The following ASIC2 variants were observed in gnomAD, a reference collection of about 807,000 sequenced individuals.
The protein encoded by ASIC2 is acid-sensing ion channel 2.
In ASIC2, 25 loss-of-function variants were observed where a neutral mutation model predicts 57.3. The ratio of observed to expected loss-of-function variants is 0.44; its 90% CI spans 0.32 to 0.61. The LOEUF (loss-of-function observed/expected upper bound fraction) is 0.61, where lower values mean the gene tolerates loss of function less well. Among genes scored for constraint, ASIC2 ranks in the 20% least tolerant of loss-of-function variants. ASIC2 has a pLI of 0.06. For synonymous variants in ASIC2, 319 were observed against 307.5 expected (o/e 1.04, Z -0.39); for missense variants, 641 against 738.1 (o/e 0.87, Z 1.52).
chr17:33,387,854 CAGA>C (rs1358602720), intron 1 of ASIC2, among the ~76,000 whole-genome samples: 2 of 152,010 alleles, frequency 1.3e-5, no homozygotes, highest in Non-Finnish European at 2.9e-5. Flanking sequence ...TGAGCACAGA[CAGA>C]AGAAAAGGCG....
chr17:33,191,867 G>A (rs961539677), intron 1 of ASIC2, among the ~76,000 whole-genome samples: 6 of 152,038 alleles, frequency 3.9e-5, no homozygotes, highest in African/African-American at 7.2e-5. Context: ...CTATCTCATC[G>A]GCCAGAATTG....
At chr17:33,243,012 T>C (rs1464599504) in intron 1 of ASIC2, among the ~76,000 whole-genome samples, 1 of 152,244 alleles carries the variant, frequency 6.6e-6, no homozygotes, top group Non-Finnish European at 1.5e-5. Flanking sequence ...CGTGGCCAGA[T>C]GGACATGATC....
At chr17:33,767,245 T>C (rs1910961645) in intron 1 of ASIC2, among the ~76,000 whole-genome samples, 1 of 152,196 alleles carries the variant, frequency 6.6e-6, no homozygotes, top group Non-Finnish European at 1.5e-5. Flanking sequence ...TGGTCTCTCT[T>C]TGTGACTTTT....
At chr17:33,981,814 T>G (rs975759869) in intron 1 of ASIC2, among the ~76,000 whole-genome samples, 1 of 152,234 alleles carries the variant, frequency 6.6e-6, no homozygotes, top group South Asian at 2.1e-4. Flanking sequence ...ATTATTTGTA[T>G]CCCTATGTTA....
At chr17:33,744,165 G>A (rs1215798607) in intron 1 of ASIC2, among the ~76,000 whole-genome samples, 2 of 152,216 alleles carry the variant, frequency 1.3e-5, no homozygotes, top group Non-Finnish European at 1.5e-5. Flanking sequence ...AATGAGTCCA[G>A]TTAGTTCACT....
At chr17:33,908,662 C>A (rs1758771504) in intron 1 of ASIC2, among the ~76,000 whole-genome samples, 1 of 152,220 alleles carries the variant, frequency 6.6e-6, no homozygotes, top group Non-Finnish European at 1.5e-5. Flanking sequence ...ACTATTACCA[C>A]CCACCACATA....
intron 1 of ASIC2, among the ~76,000 whole-genome samples, chr17:33,422,153 G>A (rs1407317225): frequency 6.6e-6 from 1 of 152,198 alleles, no homozygotes; most frequent in Non-Finnish European, 1.5e-5. Context: ...TGCTTCTGTA[G>A]GCATGCCATT....
chr17:33,748,149 C>T (rs574334575), intron 1 of ASIC2, among the ~76,000 whole-genome samples: 1 of 152,370 alleles, frequency 6.6e-6, no homozygotes, highest in African/African-American at 2.4e-5. Flanking sequence ...CTGCCGGCCA[C>T]ACTCTCTGGG....
intron 1 of ASIC2, among the ~76,000 whole-genome samples, chr17:33,656,432 C>T (rs1426608610): frequency 1.3e-5 from 2 of 152,118 alleles, no homozygotes; most frequent in Admixed American, 6.5e-5. Context: ...CCCAACATTG[C>T]AAATGGCCTA....
At chr17:33,255,056 G>T (rs1909014806) in intron 1 of ASIC2, among the ~76,000 whole-genome samples, 2 of 102,046 alleles carry the variant, frequency 2.0e-5, no homozygotes, top group South Asian at 7.7e-4. Flanking sequence ...TTTTTTTTGG[G>T]ACAGAGCCTC....
At chr17:33,171,853 C>T (rs1432069604) in intron 1 of ASIC2, among the ~76,000 whole-genome samples, 1 of 152,232 alleles carries the variant, frequency 6.6e-6, no homozygotes, top group African/African-American at 2.4e-5. Context: ...CCTCTCACCA[C>T]AAGGCCTTTG....
chr17:33,894,340 TGCGTGC>T (rs757939747), intron 1 of ASIC2, among the ~76,000 whole-genome samples: 2,235 of 121,058 alleles, frequency 0.018, 29 homozygotes, highest in South Asian at 0.053. Flanking sequence ...CGTGCGTGCG[TGCGTGC>T]GTGCGTGTGT....
chr17:33,160,202 C>A (rs549685070), intron 1 of ASIC2, among the ~76,000 whole-genome samples: 23 of 111,654 alleles, frequency 2.1e-4, no homozygotes, highest in African/African-American at 7.8e-4. Context: ...GAGAGAGACC[C>A]TGTTAAAAAA....
intron 1 of ASIC2, among the ~76,000 whole-genome samples, chr17:33,994,185 T>C (rs1442387428): frequency 6.6e-6 from 1 of 152,196 alleles, no homozygotes; most frequent in Non-Finnish European, 1.5e-5. Context: ...CCAGAGGATC[T>C]AAAGCTGCTA....
At position 33,996,527 on chromosome 17, in the gene ASIC2, T is replaced by A. The variant is rs186953311; in HGVS notation, c.555+159451A>T. Reference sequence around the variant, plus strand: ...TTTAATGCATTTCAAGTTAATTTTTTACATAGTATGAGATAAGGGTCCAAT... The same window carrying A: ...TTTAATGCATTTCAAGTTAATTTTTAACATAGTATGAGATAAGGGTCCAAT... On this transcript the variant is annotated intron_variant, in intron 1 of 9. Coordinates refer to the ASIC2 transcript ENST00000359872. Among the ~76,000 whole-genome samples, 5 of 152,344 alleles carry A rather than the reference T, an allele frequency of 3.3e-5. No homozygotes were observed. In the East Asian group the frequency reaches 9.6e-4, roughly 29 times the overall value.
intron 1 of ASIC2, among the ~76,000 whole-genome samples, chr17:33,487,671 G>A (rs1330833513): frequency 6.6e-6 from 1 of 152,186 alleles, no homozygotes; most frequent in African/African-American, 2.4e-5. Flanking sequence ...ACTGGGAGAG[G>A]CAGACCAACC....
chr17:33,695,274 A>G (rs1908489910), intron 1 of ASIC2, among the ~76,000 whole-genome samples: 1 of 152,170 alleles, frequency 6.6e-6, no homozygotes, highest in Admixed American at 6.5e-5. Flanking sequence ...AAATCCAGGA[A>G]GAGTAACATA....
chr17:33,992,362 AC>A lies in ASIC2; in HGVS notation c.555+163615del, dbSNP rs370442490. On this transcript the variant is annotated intron_variant, in intron 1 of 9. Coordinates refer to the ASIC2 transcript ENST00000359872. The stretch of plus-strand genomic sequence containing the variant: ...AGCCATTAGAGAAAAACAAAAGGGG[AC>A]ACCTGAGAAAATTGATTTCTAAGGT... Among the ~76,000 whole-genome samples, 425 of 152,300 alleles carry A rather than the reference AC, an allele frequency of 2.8e-3. 2 individuals carry two copies. The highest frequency in any genetic ancestry group is 9.7e-3 in the African/African-American group (404 of 41,556).
intron 1 of ASIC2, among the ~76,000 whole-genome samples, chr17:33,720,349 C>A (rs1252967373): frequency 6.6e-6 from 1 of 152,200 alleles, no homozygotes; most frequent in Non-Finnish European, 1.5e-5. Context: ...CAATCAATTT[C>A]TTTCTCCCTA....
Sources: allele counts gnomAD v4.1 joint callset (sites outside exome capture counted in the v4.1 genomes callset), GRCh38; gene constraint gnomAD v4.1.1; transcripts MANE v1.5; gene names NCBI Gene and HGNC (gene_info 2026-07-23, HGNC 2026-07-21).